Variants in HECTD4 observed in about 807,000 individuals in gnomAD.
The protein encoded by HECTD4 is HECT domain E3 ubiquitin protein ligase 4.
In HECTD4, 114 loss-of-function variants were observed where a neutral mutation model predicts 471.5. That is an observed-to-expected ratio of 0.24 (90% CI 0.21 to 0.28). The LOEUF (loss-of-function observed/expected upper bound fraction) is 0.28. HECTD4 is among the 10% of genes least tolerant of loss of function. The probability of loss-of-function intolerance (pLI) is 1.00; values close to 1 mark genes in which losing one functional copy is unlikely to be tolerated. For synonymous variants in HECTD4, 2,012 were observed against 2,256.0 expected (o/e 0.89, Z 3.07); for missense variants, 3,866 against 5,651.5 (o/e 0.68, Z 10.13).
chr12:112,264,045 T>C, intron 17 of HECTD4, 39 bp downstream of exon 17: 2 of 1,504,178 alleles, frequency 1.3e-6, no homozygotes, highest in Non-Finnish European at 1.8e-6. Flanking sequence ...CTTTTCACAC[T>C]GGGTAGAACG....
chr12:112,217,300 TACACACACACACACACATAC>T (rs1418204699), intron 45 of HECTD4, 105 bp from the exon 46 acceptor site: 2 of 603,696 alleles, frequency 3.3e-6, no homozygotes, highest in South Asian at 3.3e-5. Context: ...AATATAGGCA[TACACACACACACACACATAC>T]ACACACACAC....
chr12:112,259,304 GC>G, intron 18 of HECTD4, 39 bp from the exon 19 acceptor site: 1 of 1,604,344 alleles, frequency 6.2e-7, no homozygotes, highest in Non-Finnish European at 8.5e-7. Flanking sequence ...CCTAAGCAAT[GC>G]CCAAACATGT....
chr12:112,248,176 T>C lies in HECTD4; in HGVS notation c.4144-5A>G. The C allele has an allele frequency of 1.2e-6, 2 of 1,606,120 alleles. No individual in the cohort carries two copies. Among genetic ancestry groups the C allele is most frequent in the Non-Finnish European group, 1.7e-6 (2 of 1,174,900 alleles). ...TTGTTCCAGTTCTGCAACACTCTAA[T>C]AAATACATTAAAATAGATGCAAAAT... On this transcript the variant is annotated splice_polypyrimidine_tract_variant and splice_region_variant and intron_variant, in intron 26 of 75. Coordinates refer to ENST00000682272, the MANE Select transcript of HECTD4 (RefSeq NM_001388303.1).
At chr12:112,256,179 T>G in intron 21 of HECTD4, 141 bp downstream of exon 21, 1 of 555,188 alleles carries the variant, frequency 1.8e-6, no homozygotes, top group African/African-American at 1.9e-5. Context: ...AGATAAGAAC[T>G]TTATCTTAGG....
chr12:112,250,341 G>T lies in HECTD4; in HGVS notation c.3753C>A (p.Ser1251=), dbSNP rs746482793. 6 of 1,613,846 alleles carry T rather than the reference G, an allele frequency of 3.7e-6. No individual in the cohort carries two copies. Among genetic ancestry groups the T allele is most frequent in the South Asian group, 1.1e-5 (1 of 91,072 alleles). Residue 1251 remains serine, a synonymous_variant, in exon 25 of 76, where the codon TCC becomes TCA. Coordinates refer to ENST00000682272, the MANE Select transcript of HECTD4 (RefSeq NM_001388303.1). ...GAGAGGGGCTCGGAGTAAGGGCAGG[G>T]GAGATCACGCCATTGGCCTCCACCT... The part of the protein sequence containing the change: ...QWQVEANGVI[S]PALTPSPSPL...
intron 1 of HECTD4, among the ~76,000 whole-genome samples, chr12:112,375,257 T>C (rs1439386425): frequency 6.6e-6 from 1 of 152,238 alleles, no homozygotes; most frequent in African/African-American, 2.4e-5. Context: ...TAATACTCCA[T>C]TGTATGGATG....
chr12:112,320,759 G>A (rs1334010808), intron 1 of HECTD4, among the ~76,000 whole-genome samples: 1 of 152,050 alleles, frequency 6.6e-6, no homozygotes, highest in Non-Finnish European at 1.5e-5. Flanking sequence ...AGTAAAAATG[G>A]AACCAAGTTT....
At chr12:112,380,370 G>A (rs556669768) in intron 1 of HECTD4, among the ~76,000 whole-genome samples, 6 of 152,110 alleles carry the variant, frequency 3.9e-5, no homozygotes, top group South Asian at 4.2e-4. Flanking sequence ...GTTTGAATCC[G>A]GGAGGCAGAG....
intron 23 of HECTD4, among the ~76,000 whole-genome samples, chr12:112,251,551 G>A (rs1234669900): frequency 6.6e-6 from 1 of 152,118 alleles, no homozygotes; most frequent in Non-Finnish European, 1.5e-5. Flanking sequence ...TATTTACTGG[G>A]TGTCCTCTGT....
At position 112,162,810 on chromosome 12, in the gene HECTD4, G is replaced by C; in HGVS notation, c.13120+232C>G. 2 of 548,460 alleles carry C rather than the reference G, an allele frequency of 3.6e-6. No individual in the cohort carries two copies. Among genetic ancestry groups the C allele is most frequent in the Non-Finnish European group, 6.4e-6 (2 of 313,096 alleles). 34.0% of individuals were successfully genotyped at this position (548,460 alleles called of 1,614,324 possible). A position where few individuals can be genotyped will look rare whatever the true frequency, so the allele number is the denominator to read the frequency against. Reference sequence around the variant, plus strand: ...ACCATTTTTCTGCATTTAAAAGTTAGAAGATTTGAAGCATTCTGGATTTTC... The same window carrying C: ...ACCATTTTTCTGCATTTAAAAGTTACAAGATTTGAAGCATTCTGGATTTTC... On this transcript the variant is annotated intron_variant, in intron 75 of 75. Transcript: ENST00000682272. The surrounding 1 kb of genome is among the most constrained non-coding windows in gnomAD (Gnocchi z 5.2).
At chr12:112,218,023 C>T (rs1269305510) in intron 45 of HECTD4, among the ~76,000 whole-genome samples, 1 of 151,692 alleles carries the variant, frequency 6.6e-6, no homozygotes, top group East Asian at 1.9e-4. Context: ...CTCATTCTGT[C>T]ATCCAGGCTG....
chr12:112,170,255 T>C, intron 69 of HECTD4, 78 bp downstream of exon 69: 1 of 1,547,514 alleles, frequency 6.5e-7, no homozygotes, highest in Non-Finnish European at 8.7e-7. Flanking sequence ...TGGACCCCCT[T>C]CTTTTATGTT....
chr12:112,258,700 C>T, intron 19 of HECTD4, 104 bp from the exon 20 acceptor site: 2 of 849,114 alleles, frequency 2.4e-6, no homozygotes, highest in Non-Finnish European at 3.6e-6. Flanking sequence ...TTTTTACAAT[C>T]CTAGTCTGCT....
intron 54 of HECTD4, 77 bp downstream of exon 54, chr12:112,203,559 A>T: frequency 8.3e-7 from 1 of 1,205,016 alleles, no homozygotes; most frequent in Non-Finnish European, 1.2e-6. Context: ...ATCACTTTTT[A>T]AGGTACCTGG....
chr12:112,190,406 G>A (rs962080394), intron 60 of HECTD4, among the ~76,000 whole-genome samples: 5 of 152,092 alleles, frequency 3.3e-5, no homozygotes, highest in African/African-American at 2.4e-5. Flanking sequence ...CAACCTTTTT[G>A]ACCCTTTGAG....
chr12:112,350,493 A>T (rs544508699), intron 1 of HECTD4, among the ~76,000 whole-genome samples: 2 of 152,318 alleles, frequency 1.3e-5, no homozygotes, highest in Non-Finnish European at 2.9e-5. Flanking sequence ...TGAGAGGTTT[A>T]AAGTACCCAT....
chr12:112,244,224 T>C (rs1183256953), intron 29 of HECTD4, among the ~76,000 whole-genome samples: 3 of 152,202 alleles, frequency 2.0e-5, no homozygotes, highest in Non-Finnish European at 4.4e-5. Context: ...TTAAAATCTT[T>C]TTATTAAATT....
chr12:112,378,452 C>T (rs1363597917), intron 1 of HECTD4, among the ~76,000 whole-genome samples: 1 of 151,882 alleles, frequency 6.6e-6, no homozygotes, highest in African/African-American at 2.4e-5. Context: ...TCTCAATCTC[C>T]TGACCTTGTG....
At chr12:112,164,575 AC>A (rs1423418744) in intron 72 of HECTD4, among the ~76,000 whole-genome samples, 1 of 149,830 alleles carries the variant, frequency 6.7e-6, no homozygotes, top group Non-Finnish European at 1.5e-5. Context: ...ACTGGAGGCC[AC>A]CTCTGCCCGT....
Sources: allele counts gnomAD v4.1 joint callset (sites outside exome capture counted in the v4.1 genomes callset), GRCh38; gene constraint gnomAD v4.1.1; non-coding constraint Gnocchi (gnomAD v3.1); transcripts MANE v1.5; gene names NCBI Gene and HGNC (gene_info 2026-07-23, HGNC 2026-07-21).